BPIFC: variants seen among roughly 807,000 people sequenced by gnomAD.
BPIFC encodes the protein BPI fold containing family C.
A neutral mutation model predicts 57.6 loss-of-function variants in BPIFC; 60 were observed. The ratio of observed to expected loss-of-function variants is 1.04; its 90% CI spans 0.85 to 1.29. The LOEUF is 1.29. BPIFC is among the 50% of genes most tolerant of loss of function. The pLI is 0.00. For synonymous variants in BPIFC, 243 were observed against 224.5 expected (o/e 1.08, Z -0.74); for missense variants, 581 against 600.5 (o/e 0.97, Z 0.34).
chr22:32,450,173 A>T (rs1018968904), intron 4 of BPIFC, among the ~76,000 whole-genome samples: 9 of 146,422 alleles, frequency 6.1e-5, no homozygotes, highest in South Asian at 2.2e-4. Context: ...CATATATATA[A>T]GATTATATAC....
chr22:32,445,731 A>AAAAAAAAT, intron 6 of BPIFC, 33 bp from the exon 7 acceptor site: 3 of 1,532,454 alleles, frequency 2.0e-6, no homozygotes, highest in South Asian at 2.5e-5. Context: ...AAAAAAAAAA[A>AAAAAAAAT]AAAAGAGGTT....
intron 2 of BPIFC, 84 bp downstream of exon 2, chr22:32,461,490 G>T: frequency 1.4e-6 from 1 of 697,080 alleles, no homozygotes; most frequent in Non-Finnish European, 1.8e-6. Context: ...GTGGTGAGTG[G>T]GATAAGGGGG....
intron 4 of BPIFC, among the ~76,000 whole-genome samples, chr22:32,453,065 T>C (rs995283626): frequency 6.6e-6 from 1 of 152,202 alleles, no homozygotes; most frequent in African/African-American, 2.4e-5. Flanking sequence ...TGTCCATTGT[T>C]GGTTAGGCAG....
chr22:32,442,731 G>C lies in BPIFC; in HGVS notation c.595C>G (p.Leu199Val), dbSNP rs776915016. The C allele has an allele frequency of 1.9e-6, 3 of 1,613,662 alleles. No homozygotes were observed. Reference sequence around the variant, plus strand: ...ACTTCACTTGCAATAATGGGACAGAGCTGGCCACAAAGGAATAAAAAGAAA... The same window carrying C: ...ACTTCACTTGCAATAATGGGACAGACCTGGCCACAAAGGAATAAAAAGAAA... ...KPILKNLNEM[L>V]CPIIASEVKA... The change falls in exon 8 of 17, where the codon CTC becomes GTC. Residue 199 changes from leucine (L) to valine (V), a missense_variant and splice_region_variant. Transcript: ENST00000300399.
chr22:32,452,782 T>A (rs959305932), intron 4 of BPIFC, among the ~76,000 whole-genome samples: 1 of 152,192 alleles, frequency 6.6e-6, no homozygotes, highest in Non-Finnish European at 1.5e-5. Flanking sequence ...TGGGGCAAAT[T>A]GTGAATCACA....
Position 32,457,064 on chromosome 22 carries a change from A to G in BPIFC, c.124+199T>C, listed in dbSNP as rs142251972. Among the ~76,000 whole-genome samples the G allele has an allele frequency of 5.3e-5, 8 of 152,328 alleles. No homozygotes were observed. In the East Asian group the frequency reaches 1.5e-3, roughly 29 times the overall value. The stretch of plus-strand genomic sequence containing the variant: ...ATGAGAATCTGTGCTGTGTTTGGAC[A>G]TGCCTCCCATCAAGTTGACTATTTT... On this transcript the variant is annotated intron_variant, in intron 3 of 16. Transcript: ENST00000300399.
At chr22:32,445,736 G>GGTTAAAA in intron 6 of BPIFC, 38 bp from the exon 7 acceptor site, 3 of 612,330 alleles carry the variant, frequency 4.9e-6, no homozygotes, top group Non-Finnish European at 4.3e-6. Context: ...AAAAAAAAAA[G>GGTTAAAA]AGGTTACTCA....
chr22:32,418,852 A>AT (rs1933756856), intron 14 of BPIFC, among the ~76,000 whole-genome samples: 1 of 152,048 alleles, frequency 6.6e-6, no homozygotes, highest in African/African-American at 2.4e-5. Flanking sequence ...TCCAAGTCAC[A>AT]TGTTGGGGTA....
At chr22:32,418,299 G>C (rs1933742975) in intron 14 of BPIFC, among the ~76,000 whole-genome samples, 1 of 152,062 alleles carries the variant, frequency 6.6e-6, no homozygotes, top group Non-Finnish European at 1.5e-5. Context: ...CACTATATTT[G>C]TTTGTTTGTT....
intron 9 of BPIFC, among the ~76,000 whole-genome samples, chr22:32,436,369 AGGAGGAGG>A (rs773140165): frequency 9.8e-6 from 1 of 101,822 alleles, no homozygotes; most frequent in African/African-American, 3.1e-5. Flanking sequence ...GAGGAGGAGG[AGGAGGAGG>A]AAGAGGAGGA....
chr22:32,423,862 A>G (rs2145916336), intron 13 of BPIFC, among the ~76,000 whole-genome samples: 1 of 151,920 alleles, frequency 6.6e-6, no homozygotes, highest in African/African-American at 2.4e-5. Context: ...ATGTGGGCCA[A>G]ACTGTACTGA....
chr22:32,427,664 C>T (rs1341674118), intron 13 of BPIFC, among the ~76,000 whole-genome samples: 2 of 152,184 alleles, frequency 1.3e-5, no homozygotes, highest in African/African-American at 4.8e-5. Context: ...CCTTTGGTTC[C>T]TTCCCCCCTC....
intron 15 of BPIFC, 41 bp from the exon 16 acceptor site, chr22:32,416,032 A>G (rs771300710): frequency 3.6e-6 from 5 of 1,377,262 alleles, no homozygotes; most frequent in Non-Finnish European, 4.0e-6. Context: ...GGGCACAAGC[A>G]CAGAGGTTTT....
At chr22:32,424,683 CTTCTTCT>C in intron 13 of BPIFC, among the ~76,000 whole-genome samples, 1 of 96,666 alleles carries the variant, frequency 1.0e-5, no homozygotes. Context: ...TCTTCTTCTT[CTTCTTCT>C]TCCTCTTCTT....
intron 7 of BPIFC, among the ~76,000 whole-genome samples, chr22:32,444,636 GC>G (rs1477408173): frequency 6.6e-6 from 1 of 152,198 alleles, no homozygotes; most frequent in East Asian, 1.9e-4. Context: ...GAGACTAGAA[GC>G]CTTATAGCTT....
At chr22:32,434,082 T>TTATATATATATATA (rs10628834) in intron 10 of BPIFC, among the ~76,000 whole-genome samples, 1 of 147,272 alleles carries the variant, frequency 6.8e-6, no homozygotes, top group African/African-American at 2.5e-5. Context: ...AAAGTTTTAG[T>TTATATATATATATA]TATATATATA....
At chr22:32,422,141 G>T (rs905288143) in intron 13 of BPIFC, among the ~76,000 whole-genome samples, 2 of 152,136 alleles carry the variant, frequency 1.3e-5, no homozygotes, top group Admixed American at 6.6e-5. Flanking sequence ...GAAATCCAAT[G>T]AAGGTTTTTT....
At chr22:32,426,265 G>A (rs1934065649) in intron 13 of BPIFC, among the ~76,000 whole-genome samples, 1 of 151,994 alleles carries the variant, frequency 6.6e-6, no homozygotes, top group Admixed American at 6.5e-5. Flanking sequence ...TTTTCCTGCT[G>A]CATCTCTCTG....
At chr22:32,424,690 TTCC>T (rs35782766) in intron 13 of BPIFC, among the ~76,000 whole-genome samples, 875 of 60,838 alleles carry the variant, frequency 0.014, 22 homozygotes, top group Middle Eastern at 0.027. Context: ...CTTCTTCTTC[TTCC>T]TCTTCTTCTT....
Sources: gnomAD v4.1 joint callset for allele counts (sites outside exome capture counted in the v4.1 genomes callset) on GRCh38, gnomAD v4.1.1 for gene constraint, MANE v1.5 for transcripts, NCBI Gene and HGNC (gene_info 2026-07-23, HGNC 2026-07-21) for gene names.